The following AGAP1 variants were observed in gnomAD, a reference collection of about 807,000 sequenced individuals.
AGAP1 encodes the protein arf-GAP with GTPase, ANK repeat and PH domain-containing protein 1.
A neutral mutation model predicts 105.3 loss-of-function variants in AGAP1; 29 were observed. That is an observed-to-expected ratio of 0.28 (90% CI 0.21 to 0.38). AGAP1 has a LOEUF of 0.38. Among genes scored for constraint, AGAP1 ranks in the 10% least tolerant of loss-of-function variants. The pLI is 1.00. For missense variants in AGAP1, 998 were observed against 1,165.1 expected, an observed-to-expected ratio of 0.86 and a Z score of 2.09; for synonymous variants, 509 against 485.9, an observed-to-expected ratio of 1.05 and a Z score of -0.63.
At chr2:235,657,617 G>A (rs1947815907) in intron 1 of AGAP1, among the ~76,000 whole-genome samples, 1 of 152,112 alleles carries the variant, frequency 6.6e-6, no homozygotes. Context: ...CCTGACCTCA[G>A]GTGATCCATC....
At chr2:235,807,413 C>A in intron 9 of AGAP1, 82 bp downstream of exon 9, 4 of 1,267,442 alleles carry the variant, frequency 3.2e-6, no homozygotes, top group Non-Finnish European at 3.3e-6. Flanking sequence ...GCTCTCGCAC[C>A]AAGGTCTGTC....
chr2:235,553,868 C>T lies in AGAP1; in HGVS notation c.163+59019C>T, dbSNP rs919305175. Among the ~76,000 whole-genome samples, 1 of 152,220 alleles carries T rather than the reference C, an allele frequency of 6.6e-6. No individual in the cohort carries two copies. Among genetic ancestry groups the T allele is most frequent in the African/African-American group, 2.4e-5 (1 of 41,452 alleles). On this transcript the variant is annotated intron_variant, in intron 1 of 17. Transcript: ENST00000304032. The surrounding 1 kb of genome is among the most constrained non-coding windows in gnomAD (Gnocchi z 4.5). ...TTCACTTGATAAGTGAAAGGAACTT[C>T]CACGTAAGGATCCCGAAGCACGGTT... is the stretch of plus-strand genomic sequence containing the variant.
At chr2:235,840,701 C>T (rs1191985634) in intron 9 of AGAP1, among the ~76,000 whole-genome samples, 4 of 150,770 alleles carry the variant, frequency 2.7e-5, no homozygotes, top group African/African-American at 7.3e-5. Flanking sequence ...TGGAGGCTTT[C>T]GGAAAGTAGA....
At chr2:235,773,581 C>A (rs192085086) in intron 6 of AGAP1, among the ~76,000 whole-genome samples, 4 of 152,262 alleles carry the variant, frequency 2.6e-5, no homozygotes, top group Admixed American at 6.5e-5. Flanking sequence ...CGATTTAGTT[C>A]TAGGAAGTCA....
In AGAP1 at chr2:235,792,250, G is replaced by C. The variant is rs1024731176; in HGVS notation, c.674-5509G>C. On this transcript the variant is annotated intron_variant, in intron 6 of 17. Transcript: ENST00000304032. This position sits in a 1 kb window ranked among gnomAD's most constrained non-coding sequence, Gnocchi z 5.3. The stretch of plus-strand genomic sequence containing the variant: ...TCACTGCAATCTATACGCTTTCTCT[G>C]TGTCTTCCTTAGTTCTCTGCCCCCA... Among the ~76,000 whole-genome samples, 1 of 152,084 alleles carries C rather than the reference G, an allele frequency of 6.6e-6. No individual in the cohort carries two copies. The highest frequency in any genetic ancestry group is 1.5e-5 in the Non-Finnish European group (1 of 68,026).
intron 5 of AGAP1, among the ~76,000 whole-genome samples, chr2:235,748,180 A>G (rs922041096): frequency 6.6e-6 from 1 of 152,270 alleles, no homozygotes; most frequent in East Asian, 1.9e-4. Context: ...ATGCGAGTGC[A>G]GAAGCCCGTT....
Position 235,578,652 on chromosome 2 carries a change from G to T in AGAP1, c.163+83803G>T, listed in dbSNP as rs1440837275. ...ACAAAAAAATTAGCTGGATGTGGTG[G>T]TGTGCACCTGTAATCCCAGCTACTT... On this transcript the variant is annotated intron_variant, in intron 1 of 17. Coordinates refer to ENST00000304032, the MANE Select transcript of AGAP1 (RefSeq NM_001037131.3). The surrounding 1 kb of genome is among the most constrained non-coding windows in gnomAD (Gnocchi z 4.9). Among the ~76,000 whole-genome samples, 2 of 151,828 alleles carry T rather than the reference G, an allele frequency of 1.3e-5. No individual in the cohort carries two copies. The highest frequency in any genetic ancestry group is 4.8e-5 in the African/African-American group (2 of 41,320).
chr2:236,004,338 G>A (rs1354726253), intron 13 of AGAP1, among the ~76,000 whole-genome samples: 1 of 152,156 alleles, frequency 6.6e-6, no homozygotes, highest in African/African-American at 2.4e-5. Context: ...TGATTTTAGT[G>A]TGCTGATTAG....
intron 1 of AGAP1, among the ~76,000 whole-genome samples, chr2:235,495,688 C>G (rs1414842906): frequency 1.3e-5 from 2 of 152,232 alleles, no homozygotes; most frequent in Non-Finnish European, 2.9e-5. Flanking sequence ...GCTGTGCCCT[C>G]TGGATTTCTG....
intron 1 of AGAP1, among the ~76,000 whole-genome samples, chr2:235,511,660 A>G (rs1016738446): frequency 5.3e-5 from 8 of 152,182 alleles, no homozygotes; most frequent in African/African-American, 1.2e-4. Flanking sequence ...GGAAACTTCT[A>G]TATATAAATC....
chr2:235,592,141 G>C (rs1007256718), intron 1 of AGAP1, among the ~76,000 whole-genome samples: 6 of 152,234 alleles, frequency 3.9e-5, no homozygotes, highest in African/African-American at 1.4e-4. Context: ...AGCGCCCTGT[G>C]GCCAGGAAGA....
At chr2:235,657,597 G>A (rs867819081) in intron 1 of AGAP1, among the ~76,000 whole-genome samples, 11 of 152,244 alleles carry the variant, frequency 7.2e-5, no homozygotes, top group Middle Eastern at 3.4e-3. Context: ...GGCCAGGCTG[G>A]TCTCGAACTC....
At chr2:236,099,450 G>A (rs1018357188) in intron 16 of AGAP1, among the ~76,000 whole-genome samples, 14 of 149,530 alleles carry the variant, frequency 9.4e-5, no homozygotes, top group African/African-American at 2.5e-4. Context: ...GCGAGACTCC[G>A]CCTCAAAAAA....
In AGAP1 at chr2:235,976,967, C is replaced by A. The variant is rs1042241656; in HGVS notation, c.1645+8344C>A. Among the ~76,000 whole-genome samples the A allele has an allele frequency of 3.9e-5, 6 of 152,226 alleles. No individual in the cohort carries two copies. Among genetic ancestry groups the A allele is most frequent in the African/African-American group, 1.2e-4 (5 of 41,460 alleles). ...ACAAGCATTTGAGCTCCTTAGCCTG[C>A]TACACAGAAGCATAAACTCACCTTT... On this transcript the variant is annotated intron_variant, in intron 13 of 17. Coordinates refer to ENST00000304032, the MANE Select transcript of AGAP1 (RefSeq NM_001037131.3). The surrounding 1 kb of genome is among the most constrained non-coding windows in gnomAD (Gnocchi z 4.5).
intron 6 of AGAP1, among the ~76,000 whole-genome samples, chr2:235,768,001 G>T (rs1426090004): frequency 1.3e-5 from 2 of 152,060 alleles, no homozygotes; most frequent in Non-Finnish European, 2.9e-5. Context: ...TGGCCAGGCT[G>T]GTTTCGAACT....
chr2:235,876,711 G>A (rs144235637), intron 9 of AGAP1, among the ~76,000 whole-genome samples: 1 of 152,248 alleles, frequency 6.6e-6, no homozygotes, highest in Non-Finnish European at 1.5e-5. Context: ...ACCTTGTCCC[G>A]ATTTTACCTC....
chr2:235,949,261 C>CA (rs1177438748), intron 12 of AGAP1, among the ~76,000 whole-genome samples: 1 of 152,210 alleles, frequency 6.6e-6, no homozygotes, highest in Non-Finnish European at 1.5e-5. Context: ...GTCATGTCGG[C>CA]ACTCAAAAAT....
Position 235,905,856 on chromosome 2 carries a change from G to A in AGAP1, c.1156-2882G>A, listed in dbSNP as rs182822436. Among the ~76,000 whole-genome samples, 55 of 152,304 alleles carry A rather than the reference G, an allele frequency of 3.6e-4. No homozygotes were observed. In the Middle Eastern group the frequency reaches 0.01, roughly 28 times the overall value. ...GCGCAGTCCTGAGAATTCCTGTGCC[G>A]CTTCCAGCTCTAGCTTTCCTTCCAT... On this transcript the variant is annotated intron_variant, in intron 10 of 17. Coordinates refer to ENST00000304032, the MANE Select transcript of AGAP1 (RefSeq NM_001037131.3). The surrounding 1 kb of genome is among the most constrained non-coding windows in gnomAD (Gnocchi z 4.2).
In AGAP1 at chr2:235,864,738, AC is replaced by A. The variant is rs1300742547; in HGVS notation, c.1051-18606del. Among the ~76,000 whole-genome samples, 17 of 152,268 alleles carry A rather than the reference AC, an allele frequency of 1.1e-4. No individual in the cohort carries two copies. Among genetic ancestry groups the A allele is most frequent in the African/African-American group, 3.9e-4 (16 of 41,536 alleles). On this transcript the variant is annotated intron_variant, in intron 9 of 17. Transcript: ENST00000304032. This position sits in a 1 kb window ranked among gnomAD's most constrained non-coding sequence, Gnocchi z 5.0. The stretch of plus-strand genomic sequence containing the variant: ...CTGTCAGTCCTGGTGGGAAAAAAAA[AC>A]ATTTTGTTTTTCTTAGTTTCCTTTT...
Sources: gnomAD v4.1 joint callset for allele counts (sites outside exome capture counted in the v4.1 genomes callset) on GRCh38, gnomAD v4.1.1 for gene constraint, Gnocchi (gnomAD v3.1) non-coding constraint, MANE v1.5 for transcripts, NCBI Gene and HGNC (gene_info 2026-07-23, HGNC 2026-07-21) for gene names.